The following SLC44A5 variants were observed in gnomAD, a reference collection of about 807,000 sequenced individuals.
SLC44A5 encodes solute carrier family 44 member 5, also known as choline transporter-like protein 5.
In SLC44A5, 57 loss-of-function variants were observed where a neutral mutation model predicts 101.8. The observed-to-expected ratio is 0.56, with a 90% CI of 0.45 to 0.70. SLC44A5 has a LOEUF of 0.70. Ranked by LOEUF, SLC44A5 falls within the 30% of genes least tolerant of loss-of-function variation. The pLI is 0.00. For missense variants in SLC44A5, 737 were observed against 853.1 expected (o/e 0.86, Z 1.70); for synonymous variants, 281 against 290.9 (o/e 0.97, Z 0.35).
chr1:75,374,347 C>T (rs911854843), intron 3 of SLC44A5, among the ~76,000 whole-genome samples: 1 of 152,192 alleles, frequency 6.6e-6, no homozygotes, highest in Non-Finnish European at 1.5e-5. Context: ...CCTCCTTGGA[C>T]TCTGCCAGGC....
At chr1:75,419,406 T>A (rs946164375) in intron 2 of SLC44A5, among the ~76,000 whole-genome samples, 7 of 148,884 alleles carry the variant, frequency 4.7e-5, no homozygotes, top group Non-Finnish European at 8.9e-5. Context: ...TAAGAATGAA[T>A]GACGGTAGAC....
chr1:75,410,958 C>G lies in SLC44A5; in HGVS notation c.14-14337G>C, dbSNP rs139877478. Among the ~76,000 whole-genome samples, 340 of 152,148 alleles carry G rather than the reference C, an allele frequency of 2.2e-3. 1 individual carries two copies. Among genetic ancestry groups the G allele is most frequent in the African/African-American group, 7.5e-3 (313 of 41,528 alleles). On this transcript the variant is annotated intron_variant, in intron 2 of 23. Transcript: ENST00000370859. ...AGTCCAGTGAGAATGAGAATTTTGT[C>G]ATATCTCTTGAGGTAGTGATAGTGC...
At chr1:75,656,039 G>C in the SLC44A5 span, among the ~76,000 whole-genome samples, 3,322 of 152,192 alleles carry the variant, frequency 0.022, 124 homozygotes, top group African/African-American at 0.074. Context: ...ATATAAAGGA[G>C]TTCCTATACA....
the SLC44A5 span, among the ~76,000 whole-genome samples, chr1:75,701,381 T>C: frequency 6.6e-6 from 1 of 152,166 alleles, no homozygotes; most frequent in Non-Finnish European, 1.5e-5. Flanking sequence ...TAATCCAGCA[T>C]ATAAACAGAA....
At chr1:75,350,215 C>G (rs887298983) in intron 3 of SLC44A5, among the ~76,000 whole-genome samples, 1 of 151,826 alleles carries the variant, frequency 6.6e-6, no homozygotes, top group African/African-American at 2.4e-5. Flanking sequence ...GGAAAGGAGA[C>G]CAGTGGTCTC....
intron 7 of SLC44A5, among the ~76,000 whole-genome samples, chr1:75,249,940 T>C (rs1649422735): frequency 6.6e-6 from 1 of 152,176 alleles, no homozygotes; most frequent in Non-Finnish European, 1.5e-5. Flanking sequence ...AATTCCTTTC[T>C]CCTTGAATCT....
chr1:75,696,116 T>C, the SLC44A5 span, among the ~76,000 whole-genome samples: 3 of 152,222 alleles, frequency 2.0e-5, no homozygotes, highest in Admixed American at 6.5e-5. Context: ...GTTTATTTCT[T>C]ACTCAGGATA....
chr1:75,582,470 A>G (rs1673751683), intron 1 of SLC44A5: 1 of 618,364 alleles, frequency 1.6e-6, no homozygotes, highest in Non-Finnish European at 2.9e-6. Flanking sequence ...GGCCAAGACC[A>G]AGGATCAAAC....
At chr1:75,514,174 C>G (rs1363569669) in intron 2 of SLC44A5, among the ~76,000 whole-genome samples, 4 of 152,158 alleles carry the variant, frequency 2.6e-5, no homozygotes, top group Admixed American at 2.0e-4. Context: ...TAAAAAAGAA[C>G]TCTGTACTGG....
chr1:75,397,202 A>G (rs1413502555), intron 2 of SLC44A5, among the ~76,000 whole-genome samples: 1 of 152,148 alleles, frequency 6.6e-6, no homozygotes, highest in African/African-American at 2.4e-5. Context: ...GAAGGTACAA[A>G]TTATGGTAAT....
At chr1:75,284,582 G>A (rs1357497336) in intron 5 of SLC44A5, among the ~76,000 whole-genome samples, 1 of 152,018 alleles carries the variant, frequency 6.6e-6, no homozygotes, top group Non-Finnish European at 1.5e-5. Context: ...TCCTTGTCTT[G>A]TTTCAGTTCT....
At chr1:75,641,225 T>G in the SLC44A5 span, 1 of 350,120 alleles carries the variant, frequency 2.9e-6, no homozygotes, top group African/African-American at 2.1e-5. Flanking sequence ...TATATTTGAA[T>G]AAAATTTGTC....
intron 1 of SLC44A5, among the ~76,000 whole-genome samples, chr1:75,555,270 C>A (rs984881488): frequency 1.3e-5 from 2 of 151,990 alleles, no homozygotes; most frequent in African/African-American, 4.8e-5. Flanking sequence ...CTGAAAAACT[C>A]GTTAGTGCAA....
chr1:75,674,829 G>T, the SLC44A5 span, among the ~76,000 whole-genome samples: 1 of 152,218 alleles, frequency 6.6e-6, no homozygotes, highest in South Asian at 2.1e-4. Flanking sequence ...TTCTGCATAT[G>T]GCTAGCCAGT....
intron 1 of SLC44A5, among the ~76,000 whole-genome samples, chr1:75,544,711 C>G (rs1671549722): frequency 6.6e-6 from 1 of 152,144 alleles, no homozygotes; most frequent in Non-Finnish European, 1.5e-5. Context: ...TATTCATTTT[C>G]CTCTAATTGT....
rs186715239 is a variant in SLC44A5, at chr1:75,438,776, T to C, written c.14-42155A>G. Among the ~76,000 whole-genome samples the C allele has an allele frequency of 6.6e-5, 10 of 152,130 alleles. No homozygotes were observed. The East Asian group carries it at 1.9e-3, about 29-fold the overall frequency. ...CCCATAGCACTCTCAATAATTAAGG[T>C]ATAACAAATATAAACTTTCAATTAA... On this transcript the variant is annotated intron_variant, in intron 2 of 23. Transcript: ENST00000370859.
chr1:75,545,126 T>A (rs919352853), intron 1 of SLC44A5, among the ~76,000 whole-genome samples: 3 of 152,104 alleles, frequency 2.0e-5, no homozygotes, highest in Non-Finnish European at 4.4e-5. Context: ...TCCGTTCTTG[T>A]GATAGTTTGC....
At chr1:75,349,640 T>A (rs2101064126) in intron 3 of SLC44A5, among the ~76,000 whole-genome samples, 1 of 152,210 alleles carries the variant, frequency 6.6e-6, no homozygotes, top group Admixed American at 6.5e-5. Context: ...GATCAAAGAC[T>A]TTTGATGAAA....
chr1:75,272,450 C>T (rs1301153599), intron 6 of SLC44A5, among the ~76,000 whole-genome samples: 2 of 149,964 alleles, frequency 1.3e-5, no homozygotes, highest in African/African-American at 2.5e-5. Flanking sequence ...GGATCTTAGT[C>T]ATGAATTCTT....
Sources: allele counts gnomAD v4.1 joint callset (sites outside exome capture counted in the v4.1 genomes callset), GRCh38; gene constraint gnomAD v4.1.1; transcripts MANE v1.5; gene names NCBI Gene and HGNC (gene_info 2026-07-23, HGNC 2026-07-21).